PLA2R1: variants seen among roughly 807,000 people sequenced by gnomAD.
PLA2R1 encodes phospholipase A2 receptor 1.
A neutral mutation model predicts 195.9 loss-of-function variants in PLA2R1; 158 were observed. The observed-to-expected ratio is 0.81, with a 90% CI of 0.71 to 0.92. The LOEUF (loss-of-function observed/expected upper bound fraction) is 0.92, where lower values mean the gene tolerates loss of function less well. PLA2R1 is among the 40% of genes least tolerant of loss of function. The pLI is 0.00. For synonymous variants in PLA2R1, 586 were observed against 598.2 expected (o/e 0.98, Z 0.30); for missense variants, 1,626 against 1,764.6 (o/e 0.92, Z 1.41).
chr2:159,938,525 T>G lies in PLA2R1; in HGVS notation c.*3253A>C, dbSNP rs1686935895. On this transcript the variant is annotated 3_prime_UTR_variant, in exon 30 of 30. Coordinates refer to ENST00000283243, the MANE Select transcript of PLA2R1 (RefSeq NM_007366.5). Reference sequence around the variant, plus strand: ...AGAACTGCAGTGTTCGGATAGGGAATTCAACAGGAGACACAGCCAGTTCTC... The same window carrying G: ...AGAACTGCAGTGTTCGGATAGGGAAGTCAACAGGAGACACAGCCAGTTCTC... 1 of 152,200 alleles carries G rather than the reference T, an allele frequency of 6.6e-6. No homozygotes were observed. Among genetic ancestry groups the G allele is most frequent in the South Asian group, 2.1e-4 (1 of 4,826 alleles). The allele number at this position is 152,200 out of a possible 1,614,324, so 9.4% of individuals were successfully genotyped here.
intron 6 of PLA2R1, among the ~76,000 whole-genome samples, chr2:160,026,931 C>T (rs1430223722): frequency 2.6e-5 from 4 of 152,214 alleles, no homozygotes; most frequent in Admixed American, 6.5e-5. Context: ...GTCAGGAGTT[C>T]GAGACCAGCC....
At position 160,062,504 on chromosome 2, in the gene PLA2R1, G is replaced by C; in HGVS notation, c.-101C>G. 7.1e-7 allele frequency: 1 copy of C among 1,410,724 alleles called. No individual in the cohort carries two copies. Among genetic ancestry groups the C allele is most frequent in the Non-Finnish European group, 9.2e-7 (1 of 1,089,062 alleles). The allele number at this position is 1,410,724 out of a possible 1,614,324, so 87.4% of individuals were successfully genotyped here. ...GCACCCGGCCCCGCCGCGCGGAAGCGGATCCGTAGCCTCCTCCGCGCCCCA... is the reference window on the plus strand; with the variant it reads ...GCACCCGGCCCCGCCGCGCGGAAGCCGATCCGTAGCCTCCTCCGCGCCCCA... On this transcript the variant is annotated 5_prime_UTR_variant, in exon 1 of 30. Coordinates refer to ENST00000283243, the MANE Select transcript of PLA2R1 (RefSeq NM_007366.5).
chr2:159,976,008 C>A (rs961719331), intron 17 of PLA2R1, 60 bp downstream of exon 17: 255 of 1,046,068 alleles, frequency 2.4e-4, no homozygotes, highest in East Asian at 4.7e-4. Flanking sequence ...CTCCCTCCCT[C>A]CCAAGGGCAA....
chr2:159,995,550 G>A (rs1470774312), intron 11 of PLA2R1, among the ~76,000 whole-genome samples: 1 of 151,950 alleles, frequency 6.6e-6, no homozygotes, highest in Non-Finnish European at 1.5e-5. Context: ...AGTGTGACAT[G>A]GAAGTTTATT....
At position 159,932,241 on chromosome 2, in the gene PLA2R1, C is replaced by T. The variant is rs935798456; in HGVS notation, c.*9537G>A. ...TGGTCAGGAGGGTCTGCTTCGTTCA[C>T]GCACTGTCTGTTTGGTAGTGTGCAG... On this transcript the variant is annotated 3_prime_UTR_variant, in exon 30 of 30. Coordinates refer to ENST00000283243, the MANE Select transcript of PLA2R1 (RefSeq NM_007366.5). 3 of 152,256 alleles carry T rather than the reference C, an allele frequency of 2.0e-5. No homozygotes were observed. The highest frequency in any genetic ancestry group is 4.8e-5 in the African/African-American group (2 of 41,470). The allele number at this position is 152,256 out of a possible 1,614,324, so 9.4% of individuals were successfully genotyped here. A position where few individuals can be genotyped will look rare whatever the true frequency, so the allele number is the denominator to read the frequency against.
At chr2:160,023,623 G>C (rs1693295319) in intron 6 of PLA2R1, among the ~76,000 whole-genome samples, 1 of 152,208 alleles carries the variant, frequency 6.6e-6, no homozygotes, top group African/African-American at 2.4e-5. Context: ...AGCCCAAGCT[G>C]CTGCTCTGCC....
At chr2:159,956,800 C>T (rs1688123234) in intron 20 of PLA2R1, among the ~76,000 whole-genome samples, 173 bp from the exon 21 acceptor site, 1 of 152,092 alleles carries the variant, frequency 6.6e-6, no homozygotes, top group Admixed American at 6.6e-5. Context: ...CAAAGAGGAG[C>T]AGCTTTTAGG....
At chr2:160,036,384 G>C (rs921778309) in intron 3 of PLA2R1, among the ~76,000 whole-genome samples, 1 of 152,226 alleles carries the variant, frequency 6.6e-6, no homozygotes, top group South Asian at 2.1e-4. Context: ...TCCTACTCCT[G>C]GTTAAAAACC....
chr2:159,968,437 A>C (rs1162362443), intron 19 of PLA2R1, among the ~76,000 whole-genome samples: 2 of 152,218 alleles, frequency 1.3e-5, no homozygotes, highest in Admixed American at 6.5e-5. Context: ...TTCAATGCAG[A>C]TTAGCTGCTA....
chr2:160,014,875 G>A (rs190775210), intron 9 of PLA2R1, among the ~76,000 whole-genome samples: 2 of 152,286 alleles, frequency 1.3e-5, no homozygotes, highest in Admixed American at 6.5e-5. Flanking sequence ...GGTAGGAGCA[G>A]GGATATTAGA....
chr2:159,964,708 T>TA (rs1688670882), intron 20 of PLA2R1, among the ~76,000 whole-genome samples: 1 of 152,124 alleles, frequency 6.6e-6, no homozygotes, highest in African/African-American at 2.4e-5. Context: ...ACCCTTTTTT[T>TA]TAAAAAAAAA....
At chr2:160,000,058 A>G (rs1049870817) in intron 11 of PLA2R1, among the ~76,000 whole-genome samples, 1 of 152,168 alleles carries the variant, frequency 6.6e-6, no homozygotes, top group South Asian at 2.1e-4. Context: ...TCCTAGTGGG[A>G]TTTACCCTAA....
At chr2:159,984,967 C>A (rs1046286038) in intron 12 of PLA2R1, among the ~76,000 whole-genome samples, 1 of 152,170 alleles carries the variant, frequency 6.6e-6, no homozygotes, top group Non-Finnish European at 1.5e-5. Context: ...AATTATATGT[C>A]AAAACTTGCC....
chr2:159,969,365 G>C lies in PLA2R1; in HGVS notation c.2661-6C>G, dbSNP rs1255910962. On this transcript the variant is annotated splice_polypyrimidine_tract_variant and splice_region_variant and intron_variant, in intron 18 of 29. Coordinates refer to ENST00000283243, the MANE Select transcript of PLA2R1 (RefSeq NM_007366.5). ...CTGGTGTTCCATCTCTCCAGCTGTG[G>C]GAAGATTAAAAATGTTAAGGTCTTC... 1 of 1,525,484 alleles carries C rather than the reference G, an allele frequency of 6.6e-7. No individual in the cohort carries two copies. The highest frequency in any genetic ancestry group is 2.3e-5 in the East Asian group (1 of 44,278). The allele number at this position is 1,525,484 out of a possible 1,614,324, so 94.5% of individuals were successfully genotyped here.
chr2:159,960,538 T>C (rs541389051), intron 20 of PLA2R1, among the ~76,000 whole-genome samples: 28 of 152,326 alleles, frequency 1.8e-4, no homozygotes, highest in Admixed American at 1.6e-3. Flanking sequence ...AAATATTGAC[T>C]AATCCCAAAC....
intron 1 of PLA2R1, among the ~76,000 whole-genome samples, chr2:160,056,285 T>G (rs1370903456): frequency 2.0e-5 from 3 of 152,212 alleles, no homozygotes; most frequent in East Asian, 3.8e-4. Flanking sequence ...TATGTAGACC[T>G]ATATGCTGTG....
intron 19 of PLA2R1, 139 bp downstream of exon 19, chr2:159,969,117 G>T: frequency 1.8e-6 from 1 of 570,990 alleles, no homozygotes; most frequent in Non-Finnish European, 3.1e-6. Flanking sequence ...TAAGCCTTAT[G>T]GCAGACAAAA....
chr2:160,019,816 T>G (rs1016637216), intron 8 of PLA2R1, among the ~76,000 whole-genome samples: 2 of 152,218 alleles, frequency 1.3e-5, no homozygotes, highest in Admixed American at 1.3e-4. Flanking sequence ...TGAGAGTTTT[T>G]TTTTAAGTCC....
rs566726445 is a variant in PLA2R1 at position 160,016,082 on chromosome 2, G to T, written c.1551+532C>A. ...AGTTCGAGACAAGTCTGGCCAACAT[G>T]GCAAAATCCCGTCTCTACTAAAAAT... On this transcript the variant is annotated intron_variant, in intron 9 of 29. Coordinates refer to ENST00000283243, the MANE Select transcript of PLA2R1 (RefSeq NM_007366.5). Among the ~76,000 whole-genome samples the T allele has an allele frequency of 2.6e-5, 4 of 152,156 alleles. No individual in the cohort carries two copies. In the East Asian group the frequency reaches 5.8e-4, roughly 22 times the overall value.
Sources: allele counts gnomAD v4.1 joint callset (sites outside exome capture counted in the v4.1 genomes callset), GRCh38; gene constraint gnomAD v4.1.1; transcripts MANE v1.5; gene names NCBI Gene and HGNC (gene_info 2026-07-23, HGNC 2026-07-21).